Variants in CRLS1 observed in about 807,000 individuals in gnomAD.
CRLS1 encodes cardiolipin synthase 1.
A neutral mutation model predicts 37.0 loss-of-function variants in CRLS1; 24 were observed. The observed-to-expected ratio is 0.65, with a 90% CI of 0.47 to 0.91. The LOEUF is 0.91. Ranked by LOEUF, CRLS1 falls within the 40% of genes least tolerant of loss-of-function variation. The pLI is 0.00. For missense variants in CRLS1, 373 were observed against 395.8 expected (o/e 0.94, Z 0.49); for synonymous variants, 135 against 159.7 (o/e 0.85, Z 1.17).
chr20:6,026,859 T>A (rs1231842784), intron 3 of CRLS1, among the ~76,000 whole-genome samples: 1 of 152,130 alleles, frequency 6.6e-6, no homozygotes, highest in Non-Finnish European at 1.5e-5. Context: ...TTGATCCCTA[T>A]TGCACTCCAG....
chr20:6,021,875 A>G (rs16991675), intron 3 of CRLS1, among the ~76,000 whole-genome samples: 3,464 of 152,270 alleles, frequency 0.023, 134 homozygotes, highest in African/African-American at 0.079. Context: ...TAAAACATTT[A>G]TCTTTATAAA....
chr20:6,017,914 T>G (rs1232194174), intron 3 of CRLS1, among the ~76,000 whole-genome samples: 1 of 152,128 alleles, frequency 6.6e-6, no homozygotes, highest in African/African-American at 2.4e-5. Flanking sequence ...TTATAAATGG[T>G]AGCTTTTAAA....
At chr20:6,025,690 A>G (rs77226547) in intron 3 of CRLS1, among the ~76,000 whole-genome samples, 2,333 of 152,326 alleles carry the variant, frequency 0.015, 57 homozygotes, top group African/African-American at 0.053. Context: ...AGATGCCATT[A>G]AGAATATTGG....
At chr20:6,031,444 G>C in intron 4 of CRLS1, 74 bp downstream of exon 4, 1 of 1,149,404 alleles carries the variant, frequency 8.7e-7, no homozygotes, top group Non-Finnish European at 1.3e-6. Context: ...ACATATTTTT[G>C]CGTCAACATC....
At chr20:6,037,016 C>T (rs573323010) in intron 6 of CRLS1, 58 bp from the exon 7 acceptor site, 130 of 1,182,272 alleles carry the variant, frequency 1.1e-4, no homozygotes, top group Middle Eastern at 2.0e-4. Context: ...TTATGATTCC[C>T]GTTGCTACTA....
At position 6,037,212 on chromosome 20, in the gene CRLS1, G is replaced by A. The variant is rs918489316; in HGVS notation, c.*54G>A. ...AAGCAGTATACATCAATGGGAACAGGGCCCATGGAAATGTACAGGAGTTTC... is the reference window on the plus strand; with the variant it reads ...AAGCAGTATACATCAATGGGAACAGAGCCCATGGAAATGTACAGGAGTTTC... On this transcript the variant is annotated 3_prime_UTR_variant, in exon 7 of 7. Coordinates refer to ENST00000378863, the MANE Select transcript of CRLS1 (RefSeq NM_019095.6). The A allele has an allele frequency of 1.5e-6, 2 of 1,326,760 alleles. No homozygotes were observed. The highest frequency in any genetic ancestry group is 2.1e-6 in the Non-Finnish European group (2 of 933,528). The allele number at this position is 1,326,760 out of a possible 1,614,324, so 82.2% of individuals were successfully genotyped here.
In CRLS1 at chr20:6,037,977, GT is replaced by G. The variant is rs1433858803; in HGVS notation, c.*825del. 3 of 152,114 alleles carry G rather than the reference GT, an allele frequency of 2.0e-5. No individual in the cohort carries two copies. Among genetic ancestry groups the G allele is most frequent in the Non-Finnish European group, 4.4e-5 (3 of 67,996 alleles). 9.4% of individuals were successfully genotyped at this position (152,114 alleles called of 1,614,324 possible). On this transcript the variant is annotated 3_prime_UTR_variant, in exon 7 of 7. Transcript: ENST00000378863. ...ATATCAAGCTGTATATTTTTCAAAG[GT>G]TTTTTAAACTTTGGAGACTCTTTCT...
At chr20:6,031,130 A>G in intron 3 of CRLS1, 155 bp from the exon 4 acceptor site, 1 of 493,668 alleles carries the variant, frequency 2.0e-6, no homozygotes. Context: ...AGTTTGCTAT[A>G]GGGGACCCTA....
At chr20:6,007,516 A>C in intron 1 of CRLS1, 7 of 1,158,740 alleles carry the variant, frequency 6.0e-6, no homozygotes, top group Non-Finnish European at 8.9e-6. Context: ...GAAATATTCT[A>C]TGTGGAGCTA....
Position 6,034,535 on chromosome 20 carries a change from C to G in CRLS1, c.801C>G (p.Ser267Arg). 3 of 1,610,890 alleles carry G rather than the reference C, an allele frequency of 1.9e-6. No homozygotes were observed. The highest frequency in any genetic ancestry group is 1.7e-6 in the Non-Finnish European group (2 of 1,178,094). ...CTCCAGTTTTCAACTATGCTGACAG[C>G]ATTTATCTTCAGATACTATGGTAAG... is the stretch of plus-strand genomic sequence containing the variant. ...LAAPVFNYADSIYLQILWCFT... is the reference protein window; with the variant it reads ...LAAPVFNYADRIYLQILWCFT... Residue 267 changes from serine (S) to arginine (R), a missense_variant, in exon 6 of 7, where the codon AGC (serine) becomes AGG (arginine). Ser to Arg is a moderately radical substitution (Grantham distance 110, BLOSUM62 -1). Coordinates refer to ENST00000378863, the MANE Select transcript of CRLS1 (RefSeq NM_019095.6).
At chr20:6,014,620 T>C (rs961866284) in intron 2 of CRLS1, among the ~76,000 whole-genome samples, 1 of 152,184 alleles carries the variant, frequency 6.6e-6, no homozygotes, top group East Asian at 1.9e-4. Context: ...GACCGCTCCC[T>C]TCTCAAGTTA....
intron 2 of CRLS1, among the ~76,000 whole-genome samples, chr20:6,010,558 C>A (rs1179344274): frequency 6.6e-6 from 1 of 152,174 alleles, no homozygotes; most frequent in East Asian, 1.9e-4. Context: ...AGAAGAGGAG[C>A]TCTCCTTGAT....
At chr20:6,023,603 C>T (rs1026292319) in intron 3 of CRLS1, among the ~76,000 whole-genome samples, 5 of 151,102 alleles carry the variant, frequency 3.3e-5, no homozygotes, top group African/African-American at 9.7e-5. Context: ...GATTGATTCT[C>T]TTTTTATCTT....
chr20:6,016,804 G>C (rs1333150686), intron 3 of CRLS1, among the ~76,000 whole-genome samples: 2 of 152,046 alleles, frequency 1.3e-5, no homozygotes, highest in Non-Finnish European at 2.9e-5. Flanking sequence ...TGTTGAGTCT[G>C]TTTTTCCAGG....
At chr20:6,011,315 G>C (rs945132723) in intron 2 of CRLS1, among the ~76,000 whole-genome samples, 1 of 152,000 alleles carries the variant, frequency 6.6e-6, no homozygotes. Flanking sequence ...AACATCAGCT[G>C]TTCTCTTCGA....
chr20:6,008,019 A>G (rs1262864943), intron 1 of CRLS1, among the ~76,000 whole-genome samples: 1 of 151,576 alleles, frequency 6.6e-6, no homozygotes, highest in Non-Finnish European at 1.5e-5. Flanking sequence ...CTATTTAATT[A>G]TCCCTCCAAG....
At chr20:6,034,007 C>A (rs188441267) in intron 5 of CRLS1, among the ~76,000 whole-genome samples, 89 of 152,330 alleles carry the variant, frequency 5.8e-4, no homozygotes, top group Non-Finnish European at 1.0e-3. Flanking sequence ...AAGAAAGGAG[C>A]ATCGGATAAG....
rs146060368 is a variant in CRLS1, at chr20:6,034,543, T to C, written c.809T>C (p.Leu270Pro). The C allele has an allele frequency of 5.0e-5, 80 of 1,609,738 alleles. No homozygotes were observed. Among genetic ancestry groups the C allele is most frequent in the Non-Finnish European group, 6.3e-5 (74 of 1,177,278 alleles). Reference protein sequence around the residue: ...PVFNYADSIYLQILWCFTAFT... With the variant: ...PVFNYADSIYPQILWCFTAFT... The stretch of plus-strand genomic sequence containing the variant: ...TTCAACTATGCTGACAGCATTTATC[T>C]TCAGATACTATGGTAAGCTAAATTT... The change falls in exon 6 of 7, where the codon CTT (leucine) becomes CCT (proline). Residue 270 changes from leucine (L) to proline (P), a missense_variant. Physicochemically the swap from Leu to Pro is moderately conservative, Grantham distance 98 (BLOSUM62 -3). Coordinates refer to ENST00000378863, the MANE Select transcript of CRLS1 (RefSeq NM_019095.6).
At chr20:6,014,653 G>T (rs1978599856) in intron 2 of CRLS1, among the ~76,000 whole-genome samples, 1 of 152,094 alleles carries the variant, frequency 6.6e-6, no homozygotes, top group Admixed American at 6.5e-5. Flanking sequence ...GGGTTTTTAT[G>T]GGAAGAATTG....
Sources: gnomAD v4.1 joint callset for allele counts (sites outside exome capture counted in the v4.1 genomes callset) on GRCh38, gnomAD v4.1.1 for gene constraint, MANE v1.5 for transcripts, NCBI Gene and HGNC (gene_info 2026-07-23, HGNC 2026-07-21) for gene names.